Variants in SFXN5 observed in about 807,000 individuals in gnomAD.
SFXN5 encodes the protein sideroflexin 5.
SFXN5 carries 43 observed loss-of-function variants against 50.2 expected under a neutral mutation model. The ratio of observed to expected loss-of-function variants is 0.86; its 90% CI spans 0.67 to 1.11. SFXN5 has a LOEUF of 1.11. SFXN5 is among the 50% of genes least tolerant of loss of function. The pLI, the probability that SFXN5 is intolerant of heterozygous loss-of-function variation, is 0.00. For synonymous variants in SFXN5, 203 were observed against 185.8 expected (o/e 1.09, Z -0.75); for missense variants, 463 against 454.1 (o/e 1.02, Z -0.18).
chr2:73,014,909 T>G (rs544304515), intron 6 of SFXN5, among the ~76,000 whole-genome samples: 40 of 152,330 alleles, frequency 2.6e-4, no homozygotes, highest in Admixed American at 7.2e-4. Context: ...TAAATGTTTT[T>G]CTTTCTTTCT....
chr2:72,962,027 C>T (rs555426174), intron 12 of SFXN5, among the ~76,000 whole-genome samples: 20 of 152,216 alleles, frequency 1.3e-4, no homozygotes, highest in Admixed American at 3.9e-4. Context: ...CCCTTTGGGG[C>T]CCAGGCTCCC....
At chr2:73,003,230 A>C (rs1674160648) in intron 6 of SFXN5, among the ~76,000 whole-genome samples, 1 of 152,132 alleles carries the variant, frequency 6.6e-6, no homozygotes, top group Non-Finnish European at 1.5e-5. Flanking sequence ...GGAGGAAGTT[A>C]ATAAGGCTGT....
At chr2:73,041,201 T>C (rs1679580605) in intron 2 of SFXN5, among the ~76,000 whole-genome samples, 1 of 152,266 alleles carries the variant, frequency 6.6e-6, no homozygotes, top group South Asian at 2.1e-4. Context: ...AGCAATATGA[T>C]GCTGTTTGTT....
chr2:73,069,831 A>C (rs995243834), intron 1 of SFXN5, among the ~76,000 whole-genome samples: 3 of 152,208 alleles, frequency 2.0e-5, no homozygotes, highest in East Asian at 3.9e-4. Flanking sequence ...AAAGAAAAAA[A>C]AAAAGGAAAC....
intron 3 of SFXN5, among the ~76,000 whole-genome samples, chr2:73,035,680 G>C (rs1574184923): frequency 1.3e-5 from 2 of 151,548 alleles, no homozygotes; most frequent in Non-Finnish European, 2.9e-5. Context: ...TTGTATTTTT[G>C]GTAGAGATGG....
In SFXN5 at chr2:72,945,766, A is replaced by G. The variant is rs1244810181; in HGVS notation, c.946-667T>C. On this transcript the variant is annotated intron_variant, in intron 13 of 13. Transcript: ENST00000272433. The surrounding 1 kb of genome is among the most constrained non-coding windows in gnomAD (Gnocchi z 5.8). ...CACTCCTACTTGAACCTGACCATGTAATGGAGACCCTCAAAATTCCCTGTC... is the reference window on the plus strand; with the variant it reads ...CACTCCTACTTGAACCTGACCATGTGATGGAGACCCTCAAAATTCCCTGTC... Among the ~76,000 whole-genome samples the G allele has an allele frequency of 2.6e-5, 4 of 151,902 alleles. No homozygotes were observed. Among genetic ancestry groups the G allele is most frequent in the Admixed American group, 2.6e-4 (4 of 15,274 alleles).
chr2:73,062,423 G>C (rs141314965), intron 1 of SFXN5, among the ~76,000 whole-genome samples: 1 of 152,288 alleles, frequency 6.6e-6, no homozygotes, highest in East Asian at 1.9e-4. Context: ...AGGGGAAGAG[G>C]AGAGAACCTG....
intron 6 of SFXN5, among the ~76,000 whole-genome samples, chr2:73,015,943 A>G (rs566648896): frequency 2.0e-5 from 3 of 151,800 alleles, no homozygotes; most frequent in African/African-American, 7.3e-5. Flanking sequence ...GTCTCCAAAA[A>G]AGAAAAAAAA....
At chr2:73,056,245 G>A (rs745820300) in intron 2 of SFXN5, among the ~76,000 whole-genome samples, 1 of 152,152 alleles carries the variant, frequency 6.6e-6, no homozygotes, top group Non-Finnish European at 1.5e-5. Flanking sequence ...AGCCTGTTGT[G>A]GTGGCAGGTG....
intron 11 of SFXN5, among the ~76,000 whole-genome samples, chr2:72,969,172 G>A (rs879389345): frequency 2.0e-5 from 3 of 152,112 alleles, no homozygotes; most frequent in Non-Finnish European, 4.4e-5. Flanking sequence ...CACACGTGGG[G>A]AACACTCAGG....
chr2:73,025,868 G>A (rs770192162), intron 3 of SFXN5, among the ~76,000 whole-genome samples: 2 of 152,216 alleles, frequency 1.3e-5, no homozygotes, highest in Non-Finnish European at 2.9e-5. Flanking sequence ...TTATTCTCCA[G>A]AGAAGCTAAA....
At chr2:72,954,792 C>T (rs1005929148) in intron 13 of SFXN5, among the ~76,000 whole-genome samples, 84 of 152,224 alleles carry the variant, frequency 5.5e-4, no homozygotes, top group South Asian at 4.1e-4. Flanking sequence ...ACCCTTGCTG[C>T]AGGCCGGGCA....
At position 73,055,946 on chromosome 2, in the gene SFXN5, C is replaced by A. The variant is rs1481221970; in HGVS notation, c.171+2582G>T. 6.6e-5 allele frequency among the ~76,000 whole-genome samples: 10 copies of A among 152,264 alleles called. No homozygotes were observed. The East Asian group carries it at 1.9e-3, about 30-fold the overall frequency. ...CTTGAGGCCAGGAGTTTGAGACAAG[C>A]TGGCCAACATGGTGAAATCCAGTCT... On this transcript the variant is annotated intron_variant, in intron 2 of 13. Transcript: ENST00000272433.
intron 3 of SFXN5, among the ~76,000 whole-genome samples, chr2:73,039,232 T>C (rs1679313501): frequency 6.6e-6 from 1 of 152,164 alleles, no homozygotes; most frequent in African/African-American, 2.4e-5. Flanking sequence ...CTGGCCCCCA[T>C]TATCATCTTA....
chr2:72,988,307 G>A lies in SFXN5; in HGVS notation c.576C>T (p.Thr192=). ...TCTGGATGAGAAGGCGGGTGGCTGGGGTGAACTTGTTGGCTTTCTGAACCA... is the reference window on the plus strand; with the variant it reads ...TCTGGATGAGAAGGCGGGTGGCTGGAGTGAACTTGTTGGCTTTCTGAACCA... ...NVLVQKANKF[T]PATRLLIQRF... The change falls in exon 10 of 14, where the codon ACC becomes ACT. Residue 192 remains threonine, a synonymous_variant. Transcript: ENST00000272433. 1 of 1,613,882 alleles carries A rather than the reference G, an allele frequency of 6.2e-7. No individual in the cohort carries two copies. Among genetic ancestry groups the A allele is most frequent in the Non-Finnish European group, 8.5e-7 (1 of 1,179,852 alleles).
intron 6 of SFXN5, among the ~76,000 whole-genome samples, chr2:73,002,292 G>A (rs1338543471): frequency 6.6e-6 from 1 of 152,234 alleles, no homozygotes; most frequent in African/African-American, 2.4e-5. Flanking sequence ...ATGGGAACAT[G>A]TAGATCCATT....
intron 9 of SFXN5, among the ~76,000 whole-genome samples, chr2:72,995,940 C>T (rs944932224): frequency 1.3e-5 from 2 of 152,176 alleles, no homozygotes; most frequent in African/African-American, 2.4e-5. Context: ...GGAGGGACGC[C>T]GCCACCACTA....
At chr2:72,966,624 G>C (rs567571219) in intron 12 of SFXN5, among the ~76,000 whole-genome samples, 8 of 152,246 alleles carry the variant, frequency 5.3e-5, no homozygotes, top group African/African-American at 1.9e-4. Context: ...GGGCACACAG[G>C]ACCCCTCATC....
intron 2 of SFXN5, among the ~76,000 whole-genome samples, chr2:73,041,237 T>A (rs765316647): frequency 2.0e-5 from 3 of 152,198 alleles, no homozygotes; most frequent in Non-Finnish European, 4.4e-5. Flanking sequence ...CACACACATA[T>A]CAAATAATAT....
Sources: gnomAD v4.1 joint callset for allele counts (sites outside exome capture counted in the v4.1 genomes callset) on GRCh38, gnomAD v4.1.1 for gene constraint, Gnocchi (gnomAD v3.1) non-coding constraint, MANE v1.5 for transcripts, NCBI Gene and HGNC (gene_info 2026-07-23, HGNC 2026-07-21) for gene names.